Variants in LCP1 observed in about 807,000 individuals in gnomAD.
The protein encoded by LCP1 is lymphocyte cytosolic protein 1.
Under a neutral mutation model 72.0 loss-of-function variants are expected in LCP1, and 23 were observed. That is an observed-to-expected ratio of 0.32 (90% confidence interval 0.23 to 0.45). The LOEUF (loss-of-function observed/expected upper bound fraction) is 0.45, where lower values mean the gene tolerates loss of function less well. LCP1 is among the 20% of genes least tolerant of loss of function. LCP1 has a pLI of 1.00. For missense variants in LCP1, 571 were observed against 748.3 expected (o/e 0.76, Z 2.76); for synonymous variants, 245 against 275.4 (o/e 0.89, Z 1.09).
At chr13:46,168,834 G>A (rs2045891045) in intron 1 of LCP1, among the ~76,000 whole-genome samples, 1 of 152,178 alleles carries the variant, frequency 6.6e-6, no homozygotes, top group East Asian at 1.9e-4. Context: ...GAAATAACAG[G>A]AGCTGTTCAA....
At chr13:46,127,854 AC>A in intron 15 of LCP1, 131 bp from the exon 16 acceptor site, 1 of 1,045,558 alleles carries the variant, frequency 9.6e-7, no homozygotes, top group Non-Finnish European at 1.4e-6. Flanking sequence ...GGAGTCAGTC[AC>A]CAGCATCCTC....
chr13:46,177,282 T>C (rs2045935906), intron 1 of LCP1, among the ~76,000 whole-genome samples: 1 of 152,252 alleles, frequency 6.6e-6, no homozygotes, highest in African/African-American at 2.4e-5. Flanking sequence ...GTAGAATGTT[T>C]AATCTATTCA....
intron 4 of LCP1, 56 bp downstream of exon 4, chr13:46,158,466 C>T: frequency 1.3e-6 from 2 of 1,587,914 alleles, no homozygotes; most frequent in East Asian, 2.2e-5. Context: ...GGTTTGAATA[C>T]CAAGTTTAGA....
At chr13:46,157,441 T>C (rs1478132006) in intron 4 of LCP1, among the ~76,000 whole-genome samples, 1 of 152,110 alleles carries the variant, frequency 6.6e-6, no homozygotes, top group East Asian at 1.9e-4. Flanking sequence ...GATATAATCT[T>C]TTTTTCCTAA....
intron 1 of LCP1, among the ~76,000 whole-genome samples, chr13:46,177,369 C>T (rs1157130313): frequency 2.6e-5 from 4 of 152,070 alleles, no homozygotes; most frequent in African/African-American, 7.2e-5. Context: ...AGGCCGGGCG[C>T]GGTGGCTCAC....
At chr13:46,179,908 C>T (rs1375000734) in intron 1 of LCP1, among the ~76,000 whole-genome samples, 1 of 152,062 alleles carries the variant, frequency 6.6e-6, no homozygotes, top group Admixed American at 6.6e-5. Flanking sequence ...TATATAAAAC[C>T]TGCAATGGTA....
rs2045820964 is a variant in LCP1, at chr13:46,158,980, C to T, written c.74G>A (p.Gly25Asp). ...REAFAKVDTDGNGYISFNELN... is the reference protein window; with the variant it reads ...REAFAKVDTDDNGYISFNELN... ...CTCATTGAAGCTGATGTATCCATTG[C>T]CATCAGTATCTGTAATGTACACAAT... is the stretch of plus-strand genomic sequence containing the variant. The change falls in exon 3 of 16, where the codon GGC becomes GAC. Residue 25 changes from glycine to aspartate, a missense_variant. Physicochemically the swap from Gly to Asp is moderately conservative, Grantham distance 94. Transcript: ENST00000323076. 1 of 1,613,944 alleles carries T rather than the reference C, an allele frequency of 6.2e-7. No homozygotes were observed. The highest frequency in any genetic ancestry group is 1.1e-5 in the South Asian group (1 of 91,080).
chr13:46,152,641 TG>T (rs1206944836), intron 7 of LCP1, 138 bp downstream of exon 7: 4 of 817,740 alleles, frequency 4.9e-6, no homozygotes, highest in African/African-American at 1.8e-5. Flanking sequence ...GTATAGAATC[TG>T]TGACATGAAT....
At position 46,148,381 on chromosome 13, in the gene LCP1, C is replaced by G; in HGVS notation, c.949G>C (p.Ala317Pro). 6.2e-7 allele frequency: 1 copy of G among 1,613,470 alleles called. No individual in the cohort carries two copies. Residue 317 changes from alanine to proline, a missense_variant, in exon 9 of 16, where the codon GCT becomes CCT. Transcript: ENST00000323076. The part of the protein sequence containing the change: ...APKGDEEGVP[A>P]VVIDMSGLRE... Reference sequence around the variant, plus strand: ...AGTCCTGACATGTCAATAACAACAGCAGGAACACCTTCTTCATCTCCTTTT... The same window carrying G: ...AGTCCTGACATGTCAATAACAACAGGAGGAACACCTTCTTCATCTCCTTTT...
chr13:46,133,272 T>A (rs1257642405), intron 14 of LCP1, among the ~76,000 whole-genome samples: 1 of 152,226 alleles, frequency 6.6e-6, no homozygotes, highest in East Asian at 1.9e-4. Flanking sequence ...GCCTAAAATC[T>A]TGCTTTTAAA....
chr13:46,148,083 A>G (rs1195318507), intron 9 of LCP1, among the ~76,000 whole-genome samples: 3 of 152,240 alleles, frequency 2.0e-5, no homozygotes, highest in Admixed American at 6.5e-5. Context: ...GTGGGGTTAT[A>G]GAGTCTACTA....
At chr13:46,158,386 A>G in intron 4 of LCP1, 136 bp downstream of exon 4, 1 of 897,258 alleles carries the variant, frequency 1.1e-6, no homozygotes, top group Non-Finnish European at 1.7e-6. Flanking sequence ...GAACTGACCC[A>G]CTTAGTCACA....
At chr13:46,172,585 A>G (rs889594431) in intron 1 of LCP1, among the ~76,000 whole-genome samples, 2 of 152,216 alleles carry the variant, frequency 1.3e-5, no homozygotes, top group African/African-American at 4.8e-5. Flanking sequence ...GGGTGTGGCT[A>G]CAGACAGGGA....
At chr13:46,172,247 G>C (rs747603462) in intron 1 of LCP1, among the ~76,000 whole-genome samples, 1 of 152,178 alleles carries the variant, frequency 6.6e-6, no homozygotes, top group Non-Finnish European at 1.5e-5. Context: ...ACTTTGGGAG[G>C]CTGAGATGGG....
intron 5 of LCP1, among the ~76,000 whole-genome samples, chr13:46,155,747 G>A (rs1257415669): frequency 2.6e-5 from 4 of 152,166 alleles, no homozygotes; most frequent in Non-Finnish European, 5.9e-5. Context: ...CATATTTAGA[G>A]GCCTCCCGTG....
intron 6 of LCP1, among the ~76,000 whole-genome samples, chr13:46,153,869 T>C (rs2045784715): frequency 6.6e-6 from 1 of 152,130 alleles, no homozygotes; most frequent in Non-Finnish European, 1.5e-5. Flanking sequence ...GTAACAACAA[T>C]GCAGGTAATG....
intron 13 of LCP1, among the ~76,000 whole-genome samples, chr13:46,138,380 T>C (rs546099883): frequency 6.6e-6 from 1 of 152,326 alleles, no homozygotes; most frequent in East Asian, 1.9e-4. Context: ...GCCATTTATA[T>C]AATTATCAGT....
At position 46,151,026 on chromosome 13, in the gene LCP1, G is replaced by C; in HGVS notation, c.792C>G (p.Leu264=). 1 of 1,614,004 alleles carries C rather than the reference G, an allele frequency of 6.2e-7. No individual in the cohort carries two copies. Residue 264 remains leucine (L), a synonymous_variant, in exon 8 of 16, where the codon CTC becomes CTG. Coordinates refer to ENST00000323076, the MANE Select transcript of LCP1 (RefSeq NM_002298.5). ...ACCTCAGCAAGAGCTCTTCAGGGGA[G>C]AGTTTCATCAAATCCTCCAGGCTCT... ...EGESLEDLMK[L]SPEELLLRWA... is the part of the protein sequence containing the mutation.
At chr13:46,163,462 C>A (rs546072777) in intron 1 of LCP1, among the ~76,000 whole-genome samples, 7 of 152,172 alleles carry the variant, frequency 4.6e-5, no homozygotes, top group South Asian at 2.1e-4. Context: ...GTCATCACCA[C>A]TCCCTAATCT....
Sources: gnomAD v4.1 joint callset for allele counts (sites outside exome capture counted in the v4.1 genomes callset) on GRCh38, gnomAD v4.1.1 for gene constraint, MANE v1.5 for transcripts, NCBI Gene and HGNC (gene_info 2026-07-23, HGNC 2026-07-21) for gene names.